IFT74: variants seen among roughly 807,000 people sequenced by gnomAD.
The protein encoded by IFT74 is intraflagellar transport protein 74 homolog.
In IFT74, 92 loss-of-function variants were observed where a neutral mutation model predicts 96.7. The observed-to-expected ratio is 0.95, with a 90% CI of 0.80 to 1.13. IFT74 has a LOEUF of 1.13. IFT74 is among the 50% of genes most tolerant of loss of function. The pLI is 0.00. For missense variants in IFT74, 811 were observed against 698.2 expected (o/e 1.16, Z -1.82); for synonymous variants, 223 against 213.2 (o/e 1.05, Z -0.40).
At chr9:26,964,860 A>G (rs146494761) in intron 2 of IFT74, among the ~76,000 whole-genome samples, 62 of 152,322 alleles carry the variant, frequency 4.1e-4, no homozygotes, top group African/African-American at 1.5e-3. Flanking sequence ...ACTCTAGTAA[A>G]TGTTAAAGAG....
At chr9:27,016,805 C>G (rs931980311) in intron 10 of IFT74, 102 bp from the exon 11 acceptor site, 5 of 752,292 alleles carry the variant, frequency 6.6e-6, no homozygotes, top group Middle Eastern at 3.6e-4. Flanking sequence ...TTTAAAGATG[C>G]TAGTAGTTTA....
In IFT74 at chr9:27,055,712, T is replaced by A. The variant is rs1158817623; in HGVS notation, c.1437T>A (p.Thr479=). The part of the protein sequence containing the change: ...SLKSKIKQMT[T]DLEIYNDLPA... ...AAAGCAAAATTAAGCAAATGACAAC[T>A]GATCTGGAGATATATAATGATTTGC... Residue 479 remains threonine, a synonymous_variant, in exon 17 of 20, where the codon ACT becomes ACA. Transcript: ENST00000380062. The A allele has an allele frequency of 1.3e-6, 2 of 1,589,438 alleles. No individual in the cohort carries two copies. The highest frequency in any genetic ancestry group is 1.4e-5 in the African/African-American group (1 of 73,602).
intron 8 of IFT74, among the ~76,000 whole-genome samples, chr9:27,004,285 AT>A (rs1828661804): frequency 6.6e-6 from 1 of 152,138 alleles, no homozygotes; most frequent in South Asian, 2.1e-4. Context: ...TTAGAAAAGG[AT>A]TTTTTTTCCT....
intron 13 of IFT74, among the ~76,000 whole-genome samples, chr9:27,041,680 T>C (rs1330485283): frequency 6.6e-6 from 1 of 152,178 alleles, no homozygotes; most frequent in Admixed American, 6.5e-5. Flanking sequence ...TACAATCTCA[T>C]CCTGTCCTGT....
intron 10 of IFT74, among the ~76,000 whole-genome samples, chr9:27,013,919 A>C (rs2131611996): frequency 6.6e-6 from 1 of 152,310 alleles, no homozygotes; most frequent in South Asian, 2.1e-4. Context: ...TTTAATTAAA[A>C]ATAGTAAGGT....
At position 27,062,760 on chromosome 9, in the gene IFT74, A is replaced by G. The variant is rs769475958; in HGVS notation, c.*24A>G. 3.1e-5 allele frequency: 39 copies of G among 1,240,518 alleles called. No individual in the cohort carries two copies. The highest frequency in any genetic ancestry group is 4.4e-5 in the Non-Finnish European group (38 of 856,086). 76.8% of individuals were successfully genotyped at this position (1,240,518 alleles called of 1,614,324 possible). On this transcript the variant is annotated 3_prime_UTR_variant, in exon 20 of 20. Transcript: ENST00000380062. ...GAGTTTAAGTCCACTGAAAGTCTCT[A>G]AGGAAGTATCCTCTTGCTGCTAAAC...
chr9:27,049,073 C>T (rs1461191607), intron 16 of IFT74, among the ~76,000 whole-genome samples: 5 of 152,086 alleles, frequency 3.3e-5, no homozygotes, highest in Admixed American at 3.3e-4. Context: ...GTACCTCCTC[C>T]TTCTCTCTCT....
At chr9:27,054,419 A>C (rs1455302046) in intron 16 of IFT74, among the ~76,000 whole-genome samples, 1 of 152,112 alleles carries the variant, frequency 6.6e-6, no homozygotes, top group Non-Finnish European at 1.5e-5. Context: ...ATATTTATCC[A>C]GTTTATTGTA....
chr9:27,049,794 T>C (rs981312601), intron 16 of IFT74, among the ~76,000 whole-genome samples: 6 of 152,320 alleles, frequency 3.9e-5, no homozygotes, highest in African/African-American at 1.4e-4. Context: ...GATGTTTCAC[T>C]TTAATTAGTT....
intron 18 of IFT74, among the ~76,000 whole-genome samples, chr9:27,057,812 C>T (rs903798959): frequency 4.0e-5 from 6 of 151,816 alleles, no homozygotes; most frequent in South Asian, 2.1e-4. Context: ...AAGCTGAGAT[C>T]GCGCCACTGC....
chr9:26,972,612 C>T (rs890387677), intron 2 of IFT74, among the ~76,000 whole-genome samples: 5 of 152,200 alleles, frequency 3.3e-5, no homozygotes, highest in African/African-American at 1.2e-4. Flanking sequence ...GACGGTCAGG[C>T]TTCCACTGGG....
intron 13 of IFT74, among the ~76,000 whole-genome samples, chr9:27,040,066 G>C (rs2131671315): frequency 6.6e-6 from 1 of 152,300 alleles, no homozygotes; most frequent in African/African-American, 2.4e-5. Flanking sequence ...ATGAATTAAT[G>C]TGATACAGCC....
intron 13 of IFT74, among the ~76,000 whole-genome samples, chr9:27,035,246 G>A (rs10967676): frequency 0.022 from 3,403 of 152,194 alleles, 134 homozygotes; most frequent in African/African-American, 0.077. Context: ...GTATTTTCCC[G>A]TCAGTATTTC....
chr9:26,947,189 G>T, intron 1 of IFT74: 1 of 995,150 alleles, frequency 1.0e-6, no homozygotes, highest in Non-Finnish European at 1.4e-6. Context: ...GAGCCGGTAC[G>T]GAAGGGCGGC....
At chr9:27,036,005 T>A (rs1294415453) in intron 13 of IFT74, among the ~76,000 whole-genome samples, 1 of 152,236 alleles carries the variant, frequency 6.6e-6, no homozygotes, top group South Asian at 2.1e-4. Context: ...GCCTTACCAA[T>A]AACATAAACA....
At chr9:26,951,725 C>T (rs758650359), upstream of IFT74, among the ~76,000 whole-genome samples, 1 of 152,066 alleles carries the variant, frequency 6.6e-6, no homozygotes, top group Non-Finnish European at 1.5e-5. Context: ...ACAGTGAAAC[C>T]CCGTCTCTAC....
chr9:26,953,553 C>T (rs977771350), upstream of IFT74, among the ~76,000 whole-genome samples: 3 of 152,166 alleles, frequency 2.0e-5, no homozygotes, highest in Non-Finnish European at 4.4e-5. Context: ...CCAGTGTATC[C>T]AAAAATCTTA....
At chr9:26,956,955 T>C (rs773192668) in intron 1 of IFT74, among the ~76,000 whole-genome samples, 28 of 152,356 alleles carry the variant, frequency 1.8e-4, no homozygotes, top group Admixed American at 3.9e-4. Flanking sequence ...GTTTTAAATG[T>C]AATACTTATC....
intron 6 of IFT74, among the ~76,000 whole-genome samples, chr9:26,987,124 A>C (rs979003578): frequency 1.3e-5 from 2 of 152,010 alleles, no homozygotes; most frequent in African/African-American, 4.8e-5. Flanking sequence ...ATCTTGGCTC[A>C]CTGTAACCTC....
Sources: gnomAD v4.1 joint callset for allele counts (sites outside exome capture counted in the v4.1 genomes callset) on GRCh38, gnomAD v4.1.1 for gene constraint, MANE v1.5 for transcripts, NCBI Gene and HGNC (gene_info 2026-07-23, HGNC 2026-07-21) for gene names.